Variants in DLG2 observed in about 807,000 individuals in gnomAD.
DLG2 encodes disks large homolog 2.
A neutral mutation model predicts 132.5 loss-of-function variants in DLG2; 45 were observed. That is an observed-to-expected ratio of 0.34 (90% CI 0.27 to 0.44). DLG2 has a LOEUF of 0.44. Ranked by LOEUF, DLG2 falls within the 20% of genes least tolerant of loss-of-function variation. The probability of loss-of-function intolerance (pLI) is 1.00; values close to 1 mark genes in which losing one functional copy is unlikely to be tolerated. For missense variants in DLG2, 1,045 were observed against 1,196.9 expected (o/e 0.87, Z 1.87); for synonymous variants, 424 against 419.6 (o/e 1.01, Z -0.13).
chr11:85,443,207 C>T (rs117834655), intron 3 of DLG2, among the ~76,000 whole-genome samples: 3 of 152,140 alleles, frequency 2.0e-5, no homozygotes, highest in Non-Finnish European at 4.4e-5. Context: ...TCTCTGAATA[C>T]CCTTTAAGAT....
chr11:83,762,879 C>A (rs1039981281), intron 18 of DLG2, among the ~76,000 whole-genome samples: 1 of 152,148 alleles, frequency 6.6e-6, no homozygotes, highest in Admixed American at 6.5e-5. Flanking sequence ...ATGTGCCTGG[C>A]CAAGTATTAA....
At chr11:83,790,368 C>A in intron 17 of DLG2, 1 of 885,416 alleles carries the variant, frequency 1.1e-6, no homozygotes, top group Non-Finnish European at 1.8e-6. Context: ...AGGAAAGAAC[C>A]ATCTGGCAGG....
intron 3 of DLG2, among the ~76,000 whole-genome samples, chr11:85,367,206 T>G (rs916031601): frequency 2.0e-5 from 3 of 152,162 alleles, no homozygotes; most frequent in Admixed American, 1.3e-4. Flanking sequence ...TTTCATATTG[T>G]TTTCCTTCAT....
In DLG2 at chr11:84,855,272, G is replaced by A. The variant is rs1282720533; in HGVS notation, c.357+256389C>T. On this transcript the variant is annotated intron_variant, in intron 6 of 27. Coordinates refer to ENST00000376104, the MANE Select transcript of DLG2 (RefSeq NM_001142699.3). ...CTAGTACCTGTTTCTGCTCATAAATGTGACTCCCATTTTGCTTCATGAGCA... is the reference window on the plus strand; with the variant it reads ...CTAGTACCTGTTTCTGCTCATAAATATGACTCCCATTTTGCTTCATGAGCA... Among the ~76,000 whole-genome samples, 10 of 152,060 alleles carry A rather than the reference G, an allele frequency of 6.6e-5. 1 individual carries two copies. Among genetic ancestry groups the A allele is most frequent in the Admixed American group, 2.0e-4 (3 of 15,232 alleles).
chr11:84,044,894 A>G (rs1297986960), intron 11 of DLG2, among the ~76,000 whole-genome samples: 13 of 151,732 alleles, frequency 8.6e-5, no homozygotes, highest in Admixed American at 8.6e-4. Flanking sequence ...GTAGCATCTG[A>G]GCCTCTCTAA....
intron 6 of DLG2, among the ~76,000 whole-genome samples, chr11:84,615,978 T>C (rs1565462924): frequency 6.6e-6 from 1 of 151,956 alleles, no homozygotes; most frequent in African/African-American, 2.4e-5. Flanking sequence ...CATGTTCTTA[T>C]GGAATTTACC....
chr11:85,021,446 C>T (rs1357094437), intron 6 of DLG2: 1 of 1,407,600 alleles, frequency 7.1e-7, no homozygotes, highest in East Asian at 2.3e-5. Flanking sequence ...CTGCCATCCT[C>T]TCCTGCTACA....
chr11:84,470,443 C>T (rs910186081), intron 7 of DLG2, among the ~76,000 whole-genome samples: 2 of 151,470 alleles, frequency 1.3e-5, no homozygotes, highest in Non-Finnish European at 3.0e-5. Context: ...TCTAGGGGTT[C>T]GTAGTATAAT....
intron 10 of DLG2, among the ~76,000 whole-genome samples, chr11:84,084,674 C>T (rs1255444869): frequency 6.6e-6 from 1 of 152,204 alleles, no homozygotes; most frequent in Non-Finnish European, 1.5e-5. Flanking sequence ...CTGTCCTTCT[C>T]AGGCCTGTAC....
At chr11:83,797,681 G>A (rs550301238) in intron 17 of DLG2, among the ~76,000 whole-genome samples, 37 of 151,960 alleles carry the variant, frequency 2.4e-4, no homozygotes, top group African/African-American at 8.4e-4. Context: ...ACCATGCCCA[G>A]CTAATTTTAT....
chr11:84,662,584 C>T (rs118065556), intron 6 of DLG2, among the ~76,000 whole-genome samples: 19 of 151,832 alleles, frequency 1.3e-4, no homozygotes, highest in South Asian at 2.1e-4. Context: ...GTTGGGAGTT[C>T]GAGACCAGTC....
intron 6 of DLG2, among the ~76,000 whole-genome samples, chr11:84,685,165 T>C (rs2099737036): frequency 6.6e-6 from 1 of 152,190 alleles, no homozygotes; most frequent in African/African-American, 2.4e-5. Context: ...GCCAGGGCTA[T>C]AATTCCAGTT....
chr11:83,944,390 G>T (rs1242269738), intron 14 of DLG2, among the ~76,000 whole-genome samples: 1 of 152,168 alleles, frequency 6.6e-6, no homozygotes, highest in African/African-American at 2.4e-5. Flanking sequence ...TTTCATGCAG[G>T]TTGAGTAAGA....
chr11:85,566,916 G>A (rs532768257), intron 3 of DLG2, among the ~76,000 whole-genome samples: 1 of 152,196 alleles, frequency 6.6e-6, no homozygotes, highest in East Asian at 1.9e-4. Flanking sequence ...GGTAGCATTT[G>A]TTGAAAACAC....
intron 4 of DLG2, among the ~76,000 whole-genome samples, chr11:85,284,136 A>G (rs1418279976): frequency 6.6e-6 from 1 of 151,976 alleles, no homozygotes; most frequent in African/African-American, 2.4e-5. Context: ...CTTCATGTAC[A>G]TATATTTGTA....
At chr11:83,961,527 A>G (rs531355477) in intron 14 of DLG2, among the ~76,000 whole-genome samples, 3 of 152,190 alleles carry the variant, frequency 2.0e-5, no homozygotes, top group Admixed American at 6.5e-5. Context: ...CAATGTCTAC[A>G]TCTCTAAAAT....
chr11:85,034,624 A>G (rs1286127710), intron 6 of DLG2, among the ~76,000 whole-genome samples: 1 of 152,192 alleles, frequency 6.6e-6, no homozygotes, highest in Admixed American at 6.5e-5. Flanking sequence ...GGAAAACTTC[A>G]GAGTCTAGGC....
chr11:85,409,958 C>A (rs1340650623), intron 3 of DLG2, among the ~76,000 whole-genome samples: 1 of 151,766 alleles, frequency 6.6e-6, no homozygotes. Flanking sequence ...AGGATTTCAT[C>A]CTGGAGACAA....
At chr11:85,489,499 C>T (rs1052461332) in intron 3 of DLG2, among the ~76,000 whole-genome samples, 1 of 152,062 alleles carries the variant, frequency 6.6e-6, no homozygotes, top group African/African-American at 2.4e-5. Flanking sequence ...CTAGACAAAT[C>T]ATCGAGACCG....
Sources: gnomAD v4.1 joint callset for allele counts (sites outside exome capture counted in the v4.1 genomes callset) on GRCh38, gnomAD v4.1.1 for gene constraint, MANE v1.5 for transcripts, NCBI Gene and HGNC (gene_info 2026-07-23, HGNC 2026-07-21) for gene names.